Variants in CNTN4 observed in about 807,000 individuals in gnomAD.
CNTN4 encodes contactin 4.
Under a neutral mutation model 122.5 loss-of-function variants are expected in CNTN4, and 77 were observed. That is an observed-to-expected ratio of 0.63 (90% CI 0.52 to 0.76). The LOEUF is 0.76. CNTN4 is among the 30% of genes least tolerant of loss of function. CNTN4 has a pLI of 0.00. For missense variants in CNTN4, 1,256 were observed against 1,259.1 expected (o/e 1.00, Z 0.04); for synonymous variants, 512 against 447.0 (o/e 1.15, Z -1.83).
intron 2 of CNTN4, among the ~76,000 whole-genome samples, chr3:2,313,693 C>G (rs2042994585): frequency 6.6e-6 from 1 of 151,882 alleles, no homozygotes; most frequent in Non-Finnish European, 1.5e-5. Flanking sequence ...TTAACCATTC[C>G]TGACTGAAAA....
chr3:2,973,104 C>G (rs1390410766), intron 13 of CNTN4, among the ~76,000 whole-genome samples: 3 of 152,000 alleles, frequency 2.0e-5, no homozygotes, highest in African/African-American at 7.3e-5. Flanking sequence ...GATGGTTTGT[C>G]TGAAAAGAAT....
intron 4 of CNTN4, among the ~76,000 whole-genome samples, chr3:2,717,158 C>T (rs538736008): frequency 3.3e-5 from 5 of 152,216 alleles, no homozygotes; most frequent in East Asian, 1.9e-4. Context: ...CTGACTGCTG[C>T]GCTTTGAAAA....
intron 13 of CNTN4, among the ~76,000 whole-genome samples, chr3:2,966,815 G>A (rs922135331): frequency 2.0e-5 from 3 of 152,138 alleles, no homozygotes; most frequent in Non-Finnish European, 2.9e-5. Flanking sequence ...AAAAGGCATT[G>A]TATCTTCTCT....
chr3:3,054,212 G>A (rs911873295), intron 24 of CNTN4, among the ~76,000 whole-genome samples: 3 of 152,176 alleles, frequency 2.0e-5, no homozygotes, highest in Non-Finnish European at 2.9e-5. Flanking sequence ...AAGCAGACCC[G>A]AATTAGTCAC....
intron 4 of CNTN4, among the ~76,000 whole-genome samples, chr3:2,605,412 T>C (rs2081216262): frequency 6.6e-6 from 1 of 152,036 alleles, no homozygotes; most frequent in African/African-American, 2.4e-5. Context: ...GAGAGCCCTG[T>C]AGCAAGGTAA....
intron 3 of CNTN4, among the ~76,000 whole-genome samples, chr3:2,457,839 C>T (rs1458289095): frequency 6.6e-6 from 1 of 152,104 alleles, no homozygotes; most frequent in Non-Finnish European, 1.5e-5. Flanking sequence ...GTGTGAGATC[C>T]TGTCTGTTAA....
chr3:2,803,952 G>A (rs2092405841), intron 6 of CNTN4, among the ~76,000 whole-genome samples: 3 of 152,008 alleles, frequency 2.0e-5, no homozygotes, highest in Non-Finnish European at 4.4e-5. Flanking sequence ...ATCATGTTGA[G>A]TAAAAATAGC....
At chr3:2,970,856 C>T (rs144717241) in intron 13 of CNTN4, among the ~76,000 whole-genome samples, 36 of 152,186 alleles carry the variant, frequency 2.4e-4, no homozygotes, top group African/African-American at 8.4e-4. Flanking sequence ...GGCGTGATCC[C>T]AGCTCACTGC....
intron 2 of CNTN4, among the ~76,000 whole-genome samples, chr3:2,285,987 A>G (rs2041886105): frequency 6.6e-6 from 1 of 152,186 alleles, no homozygotes; most frequent in South Asian, 2.1e-4. Flanking sequence ...AAATATGTAT[A>G]TATTTTGATG....
intron 3 of CNTN4, among the ~76,000 whole-genome samples, chr3:2,351,754 T>G (rs1178627102): frequency 6.6e-6 from 1 of 150,694 alleles, no homozygotes; most frequent in Admixed American, 6.6e-5. Context: ...GACTACTGTT[T>G]ATGAAATCTA....
chr3:2,166,726 T>G (rs904142986), intron 2 of CNTN4, among the ~76,000 whole-genome samples: 2 of 152,182 alleles, frequency 1.3e-5, no homozygotes, highest in Non-Finnish European at 2.9e-5. Context: ...ACTTAGAAGC[T>G]TGTAAATGCC....
chr3:2,251,079 A>C (rs533792676), intron 2 of CNTN4, among the ~76,000 whole-genome samples: 1 of 151,992 alleles, frequency 6.6e-6, no homozygotes, highest in African/African-American at 2.4e-5. Flanking sequence ...GCTTTTTACT[A>C]TAGAAAAGAA....
chr3:2,221,666 A>C (rs971801730), intron 2 of CNTN4, among the ~76,000 whole-genome samples: 3 of 152,156 alleles, frequency 2.0e-5, no homozygotes, highest in African/African-American at 7.2e-5. Flanking sequence ...ACTTATAACT[A>C]GAATACATAA....
intron 3 of CNTN4, among the ~76,000 whole-genome samples, chr3:2,566,347 A>G (rs551616004): frequency 6.6e-6 from 1 of 152,200 alleles, no homozygotes; most frequent in Non-Finnish European, 1.5e-5. Context: ...AGCCTCTCAT[A>G]TTCTAATTGC....
intron 3 of CNTN4, among the ~76,000 whole-genome samples, chr3:2,448,689 C>G (rs1006795156): frequency 6.6e-6 from 1 of 152,136 alleles, no homozygotes; most frequent in African/African-American, 2.4e-5. Context: ...CAGCTGTATC[C>G]GTTATCCATT....
intron 2 of CNTN4, among the ~76,000 whole-genome samples, chr3:2,104,599 T>C (rs10470643): frequency 0.47 from 72,002 of 151,856 alleles, 17,119 homozygotes; most frequent in Non-Finnish European, 0.51. Flanking sequence ...AGAGAAGTCT[T>C]ATTGGAGGTT....
At chr3:2,473,055 G>C (rs1218238379) in intron 3 of CNTN4, among the ~76,000 whole-genome samples, 1 of 151,906 alleles carries the variant, frequency 6.6e-6, no homozygotes, top group Non-Finnish European at 1.5e-5. Context: ...CCAACCTGGT[G>C]AAATTCCATC....
At chr3:2,228,005 T>G (rs1161843785) in intron 2 of CNTN4, among the ~76,000 whole-genome samples, 1 of 152,140 alleles carries the variant, frequency 6.6e-6, no homozygotes, top group Non-Finnish European at 1.5e-5. Context: ...TTAAGGGTGT[T>G]TAAATAGTGA....
chr3:2,233,414 G>A (rs1000864257), intron 2 of CNTN4, among the ~76,000 whole-genome samples: 4 of 151,914 alleles, frequency 2.6e-5, no homozygotes, highest in African/African-American at 9.7e-5. Context: ...TTTGTTTTTC[G>A]CAGTCTTGTG....
Sources: gnomAD v4.1 joint callset for allele counts (sites outside exome capture counted in the v4.1 genomes callset) on GRCh38, gnomAD v4.1.1 for gene constraint, MANE v1.5 for transcripts, NCBI Gene and HGNC (gene_info 2026-07-23, HGNC 2026-07-21) for gene names.